The following SCEL variants were observed in gnomAD, a reference collection of about 807,000 sequenced individuals.
SCEL encodes the protein sciellin.
In SCEL, 113 loss-of-function variants were observed where a neutral mutation model predicts 117.6. The ratio of observed to expected loss-of-function variants is 0.96; its 90% CI spans 0.83 to 1.12. SCEL has a LOEUF of 1.12. Among genes scored for constraint, SCEL ranks in the 50% most tolerant of loss-of-function variants. The probability of loss-of-function intolerance (pLI) is 0.00; values close to 1 mark genes in which losing one functional copy is unlikely to be tolerated. For missense variants in SCEL, 785 were observed against 810.8 expected (o/e 0.97, Z 0.39); for synonymous variants, 270 against 256.2 (o/e 1.05, Z -0.51).
chr13:77,561,515 C>T (rs1292979260), intron 4 of SCEL, among the ~76,000 whole-genome samples: 2 of 152,208 alleles, frequency 1.3e-5, no homozygotes, highest in African/African-American at 2.4e-5. Context: ...CTGGTACTTG[C>T]TCAGAGGGTA....
At chr13:77,551,482 C>T (rs1428154725) in intron 1 of SCEL, among the ~76,000 whole-genome samples, 1 of 152,106 alleles carries the variant, frequency 6.6e-6, no homozygotes, top group Non-Finnish European at 1.5e-5. Flanking sequence ...AACAGAAAAT[C>T]ATTGTCTCAC....
chr13:77,586,240 C>G (rs566949106), intron 9 of SCEL, among the ~76,000 whole-genome samples: 148 of 152,262 alleles, frequency 9.7e-4, no homozygotes, highest in South Asian at 3.9e-3. Flanking sequence ...GACCTTCTCC[C>G]CGATGATCTT....
At chr13:77,599,665 A>G (rs781068371) in intron 14 of SCEL, 24 bp from the exon 15 acceptor site, 4 of 1,558,450 alleles carry the variant, frequency 2.6e-6, no homozygotes, top group South Asian at 2.2e-5. Context: ...GCAGCCTTTT[A>G]TGTGAATTTC....
In SCEL at chr13:77,613,929, C is replaced by T. The variant is rs749736219; in HGVS notation, c.1425C>T (p.Ser475=). 2.5e-6 allele frequency: 4 copies of T among 1,613,408 alleles called. No homozygotes were observed. The South Asian group carries it at 4.4e-5, about 18-fold the overall frequency. The change falls in exon 24 of 33, where the codon AGC becomes AGT. Residue 475 remains serine (S), a synonymous_variant. Coordinates refer to ENST00000349847, the MANE Select transcript of SCEL (RefSeq NM_144777.3). ...GTCTTGATGAACATATTAATGTCAG[C>T]CCCAAAGCTGTCAAAAACACTGATG... ...EQGLDEHINV[S]PKAVKNTDGK...
intron 5 of SCEL, among the ~76,000 whole-genome samples, chr13:77,565,912 C>T (rs488942): frequency 0.93 from 141,349 of 152,270 alleles, 65,648 homozygotes; most frequent in South Asian, 0.96. Flanking sequence ...TCTGATCATG[C>T]TGCTAATTAC....
At chr13:77,627,507 T>C (rs1056465018) in intron 27 of SCEL, among the ~76,000 whole-genome samples, 6 of 152,262 alleles carry the variant, frequency 3.9e-5, no homozygotes, top group Non-Finnish European at 7.4e-5. Context: ...TGAGAAGACA[T>C]TGAATAAGTC....
At chr13:77,562,248 G>A (rs1470377019) in intron 4 of SCEL, among the ~76,000 whole-genome samples, 4 of 152,080 alleles carry the variant, frequency 2.6e-5, no homozygotes, top group South Asian at 2.1e-4. Context: ...GGAAGACAAC[G>A]GCCACCTAGA....
intron 1 of SCEL, among the ~76,000 whole-genome samples, chr13:77,550,260 C>T (rs1273910527): frequency 6.6e-6 from 1 of 151,646 alleles, no homozygotes; most frequent in Non-Finnish European, 1.5e-5. Flanking sequence ...GTGGCACACA[C>T]CTGTAGTCCA....
In SCEL at chr13:77,596,012, T is replaced by C. The variant is rs779678699; in HGVS notation, c.753-1533T>C. ...GGCTAAGTCGAAGTCTTGGTGTTTC[T>C]AAGTGCAATTAAAAAATAAGTATAG... is the stretch of plus-strand genomic sequence containing the variant. On this transcript the variant is annotated intron_variant, in intron 12 of 32. Transcript: ENST00000349847. 3.3e-5 allele frequency among the ~76,000 whole-genome samples: 5 copies of C among 152,166 alleles called. No individual in the cohort carries two copies. The South Asian group carries it at 6.2e-4, about 19-fold the overall frequency.
chr13:77,596,786 G>A (rs1396444103), intron 12 of SCEL, among the ~76,000 whole-genome samples: 2 of 151,470 alleles, frequency 1.3e-5, no homozygotes, highest in East Asian at 3.9e-4. Context: ...GGAACTAGAG[G>A]AAGAAACCAA....
At chr13:77,638,370 G>A (rs2090404546) in intron 30 of SCEL, among the ~76,000 whole-genome samples, 1 of 152,016 alleles carries the variant, frequency 6.6e-6, no homozygotes, top group African/African-American at 2.4e-5. Context: ...CATCTGGATA[G>A]CCAATTAAAA....
At chr13:77,573,961 A>G (rs758930092) in intron 9 of SCEL, among the ~76,000 whole-genome samples, 3 of 152,200 alleles carry the variant, frequency 2.0e-5, no homozygotes, top group Non-Finnish European at 4.4e-5. Context: ...AAGTGGGGAA[A>G]ATGTTGACTA....
At position 77,599,315 on chromosome 13, in the gene SCEL, C is replaced by A. The variant is rs371585216; in HGVS notation, c.798-14C>A. The A allele has an allele frequency of 7.8e-5, 124 of 1,591,736 alleles. 1 individual carries two copies. The highest frequency in any genetic ancestry group is 3.4e-4 in the South Asian group (30 of 89,346). ...TATCACTGATGAGGCTTTTTTAAATCAATACATTTAAAGGAATCAAGGTCT... is the reference window on the plus strand; with the variant it reads ...TATCACTGATGAGGCTTTTTTAAATAAATACATTTAAAGGAATCAAGGTCT... On this transcript the variant is annotated splice_polypyrimidine_tract_variant and intron_variant, in intron 13 of 32. Transcript: ENST00000349847.
chr13:77,604,028 AT>A (rs11300656), intron 18 of SCEL, among the ~76,000 whole-genome samples: 151,453 of 152,236 alleles, frequency 0.99, 75,338 homozygotes, highest in South Asian at 1. Flanking sequence ...ATCTAACTTA[AT>A]TGTTATTTCA....
chr13:77,586,589 T>C (rs2086576263), intron 9 of SCEL, among the ~76,000 whole-genome samples: 1 of 152,180 alleles, frequency 6.6e-6, no homozygotes. Context: ...TTGGCTGAAT[T>C]GTAAACGTGG....
chr13:77,536,378 A>C (rs2083423551), intron 1 of SCEL, among the ~76,000 whole-genome samples: 1 of 152,176 alleles, frequency 6.6e-6, no homozygotes, highest in Non-Finnish European at 1.5e-5. Flanking sequence ...CCCAAATAAG[A>C]AAATCACCAT....
intron 15 of SCEL, chr13:77,600,028 G>T: frequency 2.6e-6 from 1 of 382,614 alleles, no homozygotes; most frequent in South Asian, 4.9e-5. Context: ...TATCTAAAAT[G>T]GAAAGAAACA....
chr13:77,563,518 C>T (rs2085105082), intron 4 of SCEL, among the ~76,000 whole-genome samples: 1 of 152,088 alleles, frequency 6.6e-6, no homozygotes, highest in Non-Finnish European at 1.5e-5. Flanking sequence ...AGTTATTAAA[C>T]ATTTTGAGTG....
intron 1 of SCEL, among the ~76,000 whole-genome samples, chr13:77,552,136 A>G (rs1356980268): frequency 1.3e-5 from 2 of 151,982 alleles, no homozygotes; most frequent in African/African-American, 4.8e-5. Flanking sequence ...GTTATTGTGA[A>G]CAGTGCCGCC....
Sources: gnomAD v4.1 joint callset for allele counts (sites outside exome capture counted in the v4.1 genomes callset) on GRCh38, gnomAD v4.1.1 for gene constraint, MANE v1.5 for transcripts, NCBI Gene and HGNC (gene_info 2026-07-23, HGNC 2026-07-21) for gene names.